The following LRRC4C variants were observed in gnomAD, a reference collection of about 807,000 sequenced individuals.
LRRC4C encodes leucine rich repeat containing 4C, also known as leucine-rich repeat-containing protein 4C.
LRRC4C carries 5 observed loss-of-function variants against 33.6 expected under a neutral mutation model. The observed-to-expected ratio is 0.15, with a 90% CI of 0.08 to 0.31. The LOEUF is 0.31. LRRC4C is among the 10% of genes least tolerant of loss of function. LRRC4C has a pLI of 1.00. For missense variants in LRRC4C, 560 were observed against 796.7 expected (o/e 0.70, Z 3.58); for synonymous variants, 329 against 302.0 (o/e 1.09, Z -0.93).
chr11:41,307,100 T>A (rs1228007276), intron 1 of LRRC4C, among the ~76,000 whole-genome samples: 1 of 152,158 alleles, frequency 6.6e-6, no homozygotes, highest in African/African-American at 2.4e-5. Flanking sequence ...AACTTCCTAA[T>A]CCTTGGAGGC....
At chr11:41,372,124 G>A (rs1031316050) in intron 1 of LRRC4C, among the ~76,000 whole-genome samples, 1 of 152,178 alleles carries the variant, frequency 6.6e-6, no homozygotes, top group African/African-American at 2.4e-5. Context: ...GCACCTGGGC[G>A]ACTGAGCGAG....
At chr11:40,320,090 A>T (rs1945766761) in intron 3 of LRRC4C, among the ~76,000 whole-genome samples, 1 of 152,204 alleles carries the variant, frequency 6.6e-6, no homozygotes, top group Admixed American at 6.5e-5. Flanking sequence ...ATCTGTAAAT[A>T]GCTTATTGTA....
At chr11:41,287,353 G>C (rs1441637454) in intron 1 of LRRC4C, among the ~76,000 whole-genome samples, 2 of 152,080 alleles carry the variant, frequency 1.3e-5, no homozygotes, top group Admixed American at 6.5e-5. Flanking sequence ...ATGATGGAAG[G>C]GTTTCTTACT....
At chr11:41,135,850 T>C (rs2135871196) in intron 1 of LRRC4C, among the ~76,000 whole-genome samples, 1 of 152,316 alleles carries the variant, frequency 6.6e-6, no homozygotes, top group East Asian at 1.9e-4. Context: ...ACCATTTTTA[T>C]ATTAAAAAAT....
At chr11:40,407,137 A>G (rs778662754) in intron 3 of LRRC4C, among the ~76,000 whole-genome samples, 6 of 152,130 alleles carry the variant, frequency 3.9e-5, no homozygotes, top group Non-Finnish European at 8.8e-5. Context: ...TCTAGATTCA[A>G]AAGACATTTT....
chr11:40,163,704 C>T (rs3109382), intron 5 of LRRC4C, among the ~76,000 whole-genome samples: 104,284 of 151,918 alleles, frequency 0.69, 36,130 homozygotes, highest in African/African-American at 0.76. Flanking sequence ...AAATACCACA[C>T]GAAAGAGAAT....
intron 5 of LRRC4C, among the ~76,000 whole-genome samples, chr11:40,207,158 C>T (rs1297898016): frequency 6.6e-6 from 1 of 152,140 alleles, no homozygotes; most frequent in African/African-American, 2.4e-5. Flanking sequence ...GTCATTGTAG[C>T]TGAAATGGCA....
At chr11:40,647,357 T>C (rs1272930929) in intron 3 of LRRC4C, among the ~76,000 whole-genome samples, 1 of 152,200 alleles carries the variant, frequency 6.6e-6, no homozygotes, top group Non-Finnish European at 1.5e-5. Context: ...ATTTGATCTT[T>C]TTTTTTCCTT....
At chr11:41,428,264 A>T in intron 1 of LRRC4C, among the ~76,000 whole-genome samples, 1 of 152,206 alleles carries the variant, frequency 6.6e-6, no homozygotes, top group East Asian at 1.9e-4. Flanking sequence ...GTATGTTTCT[A>T]ATTTTCATTT....
At chr11:40,769,561 A>T (rs1399248758) in intron 2 of LRRC4C, among the ~76,000 whole-genome samples, 1 of 152,192 alleles carries the variant, frequency 6.6e-6, no homozygotes, top group African/African-American at 2.4e-5. Context: ...GAGGAATCAC[A>T]TCACCTTATC....
chr11:41,428,025 T>C (rs1350178978), intron 1 of LRRC4C, among the ~76,000 whole-genome samples: 1 of 151,918 alleles, frequency 6.6e-6, no homozygotes, highest in Non-Finnish European at 1.5e-5. Context: ...CTTCGCTGAC[T>C]CTCTTTTTGG....
At chr11:40,515,735 A>AT (rs1955534217) in intron 3 of LRRC4C, among the ~76,000 whole-genome samples, 1 of 152,096 alleles carries the variant, frequency 6.6e-6, no homozygotes, top group African/African-American at 2.4e-5. Flanking sequence ...AATTTCCAAC[A>AT]ATTATTAAAA....
At chr11:40,339,302 A>G (rs1363786272) in intron 3 of LRRC4C, among the ~76,000 whole-genome samples, 1 of 152,178 alleles carries the variant, frequency 6.6e-6, no homozygotes, top group African/African-American at 2.4e-5. Context: ...TCTTTCCACA[A>G]TATAATAAAA....
At chr11:40,526,158 C>T (rs1956041355) in intron 3 of LRRC4C, among the ~76,000 whole-genome samples, 1 of 151,760 alleles carries the variant, frequency 6.6e-6, no homozygotes, top group African/African-American at 2.4e-5. Context: ...AAAAGATTAT[C>T]TTATTTATTT....
chr11:41,027,069 G>A (rs1477579473), intron 1 of LRRC4C, among the ~76,000 whole-genome samples: 1 of 151,602 alleles, frequency 6.6e-6, no homozygotes, highest in Non-Finnish European at 1.5e-5. Flanking sequence ...TCAGTAAGTA[G>A]TTTTGTAACA....
At chr11:40,721,564 T>C (rs1947014624) in intron 2 of LRRC4C, among the ~76,000 whole-genome samples, 1 of 152,236 alleles carries the variant, frequency 6.6e-6, no homozygotes, top group African/African-American at 2.4e-5. Flanking sequence ...ATTTTCTTAT[T>C]GTGGACACAT....
intron 1 of LRRC4C, among the ~76,000 whole-genome samples, chr11:40,938,319 A>C (rs1348628853): frequency 1.3e-5 from 2 of 152,138 alleles, no homozygotes; most frequent in African/African-American, 4.8e-5. Flanking sequence ...CAGAGAAAAG[A>C]TCCAAGCGAA....
intron 4 of LRRC4C, among the ~76,000 whole-genome samples, chr11:40,289,957 G>A (rs935661329): frequency 2.0e-5 from 3 of 152,150 alleles, no homozygotes; most frequent in African/African-American, 2.4e-5. Context: ...GGAGGGCACA[G>A]GGAGGAGGTG....
intron 3 of LRRC4C, among the ~76,000 whole-genome samples, chr11:40,633,166 T>C (rs898743258): frequency 2.6e-5 from 4 of 152,064 alleles, no homozygotes; most frequent in African/African-American, 9.7e-5. Flanking sequence ...TAGAACACTA[T>C]CAAGTTCAAA....
Sources: gnomAD v4.1 joint callset for allele counts (sites outside exome capture counted in the v4.1 genomes callset) on GRCh38, gnomAD v4.1.1 for gene constraint, MANE v1.5 for transcripts, NCBI Gene and HGNC (gene_info 2026-07-23, HGNC 2026-07-21) for gene names.